The following ATF3 variants were observed in gnomAD, a reference collection of about 807,000 sequenced individuals.
ATF3 encodes the protein cyclic AMP-dependent transcription factor ATF-3.
ATF3 carries 10 observed loss-of-function variants against 18.4 expected under a neutral mutation model. The ratio of observed to expected loss-of-function variants is 0.54; its 90% CI spans 0.34 to 0.92. ATF3 has a LOEUF of 0.92. ATF3 is among the 40% of genes least tolerant of loss of function. ATF3 has a pLI of 0.02. For synonymous variants in ATF3, 78 were observed against 87.9 expected, an observed-to-expected ratio of 0.89 and a Z score of 0.63; for missense variants, 183 against 222.3, an observed-to-expected ratio of 0.82 and a Z score of 1.12.
upstream of ATF3, among the ~76,000 whole-genome samples, chr1:212,604,164 G>T (rs1654559711): frequency 6.6e-6 from 1 of 152,264 alleles, no homozygotes; most frequent in African/African-American, 2.4e-5. Flanking sequence ...AACCTAGGGG[G>T]AGTCAATGCT....
chr1:212,572,802 C>G (rs1235722233), intron 1 of ATF3, among the ~76,000 whole-genome samples: 2 of 152,106 alleles, frequency 1.3e-5, no homozygotes, highest in Non-Finnish European at 1.5e-5. Flanking sequence ...TTTCCAATGT[C>G]ATCATTGTTG....
At chr1:212,601,671 A>G (rs1161904477) in intron 1 of ATF3, among the ~76,000 whole-genome samples, 1 of 152,236 alleles carries the variant, frequency 6.6e-6, no homozygotes, top group East Asian at 1.9e-4. Context: ...AGTGCTTACT[A>G]TTGTGCCTGG....
intron 1 of ATF3, among the ~76,000 whole-genome samples, chr1:212,579,200 C>T (rs555572617): frequency 2.0e-5 from 3 of 151,808 alleles, no homozygotes; most frequent in East Asian, 3.9e-4. Context: ...TTAGTAGAGA[C>T]GGGGTTTCAC....
chr1:212,617,099 T>C (rs1036452838), intron 2 of ATF3, among the ~76,000 whole-genome samples: 8 of 152,174 alleles, frequency 5.3e-5, no homozygotes, highest in Non-Finnish European at 1.0e-4. Flanking sequence ...ACCTTCTGTG[T>C]CCAGTTGTTC....
rs11571541 is a variant in ATF3, at chr1:212,615,134, C to T, written c.113C>T (p.Thr38Met). 2.6e-5 allele frequency: 42 copies of T among 1,614,088 alleles called. 1 individual carries two copies. Among genetic ancestry groups the T allele is most frequent in the Middle Eastern group, 3.3e-4 (2 of 6,084 alleles). Residue 38 changes from threonine to methionine, a missense_variant, in exon 2 of 4, where the codon ACG becomes ATG. Coordinates refer to ENST00000341491, the MANE Select transcript of ATF3 (RefSeq NM_001674.4). The stretch of plus-strand genomic sequence containing the variant: ...GTGTTTGAGGATTTTGCTAACCTGA[C>T]GCCCTTTGTCAAGGAAGAGCTGAGG... ...SLVFEDFANLTPFVKEELRFA... is the reference protein window; with the variant it reads ...SLVFEDFANLMPFVKEELRFA...
chr1:212,571,461 G>A (rs1258070397), intron 1 of ATF3, among the ~76,000 whole-genome samples: 1 of 152,042 alleles, frequency 6.6e-6, no homozygotes, highest in Non-Finnish European at 1.5e-5. Flanking sequence ...AGGCTGGAGT[G>A]CAGTGGTGCG....
rs1655256720 is a variant in ATF3, at chr1:212,619,105, A to T, written c.349-253A>T. ...TATGGGCTGTTGACTCATGCAAATGAGGTATCTGAACTGCAGCTTCAGTAT... is the reference window on the plus strand; with the variant it reads ...TATGGGCTGTTGACTCATGCAAATGTGGTATCTGAACTGCAGCTTCAGTAT... On this transcript the variant is annotated intron_variant, in intron 3 of 3. Transcript: ENST00000341491. The surrounding 1 kb of genome is among the most constrained non-coding windows in gnomAD (Gnocchi z 4.4). 6.2e-7 allele frequency: 1 copy of T among 1,614,000 alleles called. No individual in the cohort carries two copies. The highest frequency in any genetic ancestry group is 1.3e-5 in the African/African-American group (1 of 74,882).
At chr1:212,571,753 C>T (rs946989243) in intron 1 of ATF3, among the ~76,000 whole-genome samples, 2 of 148,948 alleles carry the variant, frequency 1.3e-5, no homozygotes, top group African/African-American at 5.0e-5. Context: ...GCTCTGTCGC[C>T]CAGGCTGGAG....
intron 1 of ATF3, chr1:212,613,618 A>G (rs1654982786): frequency 6.6e-6 from 1 of 152,238 alleles, no homozygotes; most frequent in African/African-American, 2.4e-5. Context: ...CACTCCTTAA[A>G]TGTTCGAGAC....
Position 212,618,731 on chromosome 1 carries a change from A to C in ATF3, c.348+497A>C, listed in dbSNP as rs11571551. Reference sequence around the variant, plus strand: ...TCTCCCTGGCTTAGCCAGTAAGCTGAGCCCCTGGCTGCGTTCAGCCGGCCC... The same window carrying C: ...TCTCCCTGGCTTAGCCAGTAAGCTGCGCCCCTGGCTGCGTTCAGCCGGCCC... On this transcript the variant is annotated intron_variant, in intron 3 of 3. Transcript: ENST00000341491. The surrounding 1 kb of genome is among the most constrained non-coding windows in gnomAD (Gnocchi z 4.4). 4 of 486,636 alleles carry C rather than the reference A, an allele frequency of 8.2e-6. No homozygotes were observed. Among genetic ancestry groups the C allele is most frequent in the African/African-American group, 3.9e-5 (2 of 51,380 alleles). The allele number at this position is 486,636 out of a possible 1,614,324, so 30.1% of individuals were successfully genotyped here. A position where few individuals can be genotyped will look rare whatever the true frequency, so the allele number is the denominator to read the frequency against.
chr1:212,612,389 G>C (rs2102653829), intron 1 of ATF3, among the ~76,000 whole-genome samples: 1 of 152,306 alleles, frequency 6.6e-6, no homozygotes, highest in East Asian at 1.9e-4. Flanking sequence ...CTCTACTGCA[G>C]TGGAATTCAA....
At chr1:212,604,614 G>C (rs1185558559), upstream of ATF3, among the ~76,000 whole-genome samples, 2 of 152,154 alleles carry the variant, frequency 1.3e-5, no homozygotes, top group Admixed American at 1.3e-4. Context: ...GCAGAAATGG[G>C]TCTGTCCTTG....
At chr1:212,594,745 T>C (rs891107586) in intron 1 of ATF3, among the ~76,000 whole-genome samples, 7 of 152,344 alleles carry the variant, frequency 4.6e-5, no homozygotes, top group Middle Eastern at 6.8e-3. Flanking sequence ...GATCCCTTTT[T>C]AGGGTTGTGG....
chr1:212,610,395 A>G (rs1015157081), intron 1 of ATF3, among the ~76,000 whole-genome samples: 6 of 152,184 alleles, frequency 3.9e-5, no homozygotes, highest in African/African-American at 1.4e-4. Flanking sequence ...AAAAATTGGT[A>G]TTACTGTCCC....
rs369831026 is a variant in ATF3 at position 212,609,926 on chromosome 1, C to T, written c.-5+996C>T. 1.5e-4 allele frequency among the ~76,000 whole-genome samples: 23 copies of T among 152,308 alleles called. 1 individual carries two copies. Among genetic ancestry groups the T allele is most frequent in the Middle Eastern group, 6.8e-3 (2 of 294 alleles). On this transcript the variant is annotated intron_variant, in intron 1 of 3. Transcript: ENST00000341491. ...GGAGGGCACAATGCAGTGGTTGGAC[C>T]AGATAACTACTAAGGTCCTTTCTGT...
chr1:212,576,687 A>G (rs1379038341), intron 1 of ATF3, among the ~76,000 whole-genome samples: 1 of 150,154 alleles, frequency 6.7e-6, no homozygotes, highest in Admixed American at 6.6e-5. Context: ...TAAAGATAAA[A>G]AAGTTATTAA....
At chr1:212,601,211 C>A (rs753219916) in intron 1 of ATF3, among the ~76,000 whole-genome samples, 2 of 152,188 alleles carry the variant, frequency 1.3e-5, no homozygotes, top group East Asian at 3.8e-4. Flanking sequence ...ACTCAGTTTA[C>A]TCAGTCAATA....
intron 1 of ATF3, among the ~76,000 whole-genome samples, chr1:212,576,758 C>T (rs1425221639): frequency 1.4e-4 from 15 of 107,434 alleles, no homozygotes; most frequent in East Asian, 2.8e-4. Flanking sequence ...GGCAGAGTCT[C>T]GCTCTGTCGC....
intron 1 of ATF3, among the ~76,000 whole-genome samples, chr1:212,596,736 A>G (rs1665002434): frequency 6.6e-6 from 1 of 152,258 alleles, no homozygotes; most frequent in Admixed American, 6.5e-5. Context: ...CCTCTGGCAC[A>G]TGAATGGTGA....
Sources: allele counts gnomAD v4.1 joint callset (sites outside exome capture counted in the v4.1 genomes callset), GRCh38; gene constraint gnomAD v4.1.1; non-coding constraint Gnocchi (gnomAD v3.1); transcripts MANE v1.5; gene names NCBI Gene and HGNC (gene_info 2026-07-23, HGNC 2026-07-21).